The following PTPRT variants were observed in gnomAD, a reference collection of about 807,000 sequenced individuals.
The protein encoded by PTPRT is protein tyrosine phosphatase receptor type T.
A neutral mutation model predicts 176.8 loss-of-function variants in PTPRT; 56 were observed. The observed-to-expected ratio is 0.32, with a 90% confidence interval of 0.26 to 0.40. The LOEUF is 0.40. PTPRT is among the 10% of genes least tolerant of loss of function. PTPRT has a pLI of 1.00. For synonymous variants in PTPRT, 783 were observed against 739.0 expected, an observed-to-expected ratio of 1.06 and a Z score of -0.96; for missense variants, 1,540 against 1,908.2, an observed-to-expected ratio of 0.81 and a Z score of 3.60.
rs371928387 is a variant in PTPRT, at chr20:42,400,398, T to C, written c.1560+47822A>G. Among the ~76,000 whole-genome samples the C allele has an allele frequency of 4.6e-5, 7 of 152,190 alleles. No homozygotes were observed. In the South Asian group the frequency reaches 1.3e-3, roughly 27 times the overall value. On this transcript the variant is annotated intron_variant, in intron 9 of 30. Coordinates refer to ENST00000373187, the MANE Select transcript of PTPRT (RefSeq NM_007050.6). ...CTATGTCCTAGGGAGATGAGTCTGT[T>C]ATAATTTCTTCCCTTGAGGAGTTCA... is the stretch of plus-strand genomic sequence containing the variant.
intron 9 of PTPRT, among the ~76,000 whole-genome samples, chr20:42,428,806 ACCC>A (rs2059190078): frequency 6.6e-6 from 1 of 152,112 alleles, no homozygotes; most frequent in Non-Finnish European, 1.5e-5. Flanking sequence ...CTGACAGGGC[ACCC>A]CTCCTCAAGG....
At chr20:42,834,409 T>C (rs1285242786) in intron 2 of PTPRT, among the ~76,000 whole-genome samples, 1 of 152,144 alleles carries the variant, frequency 6.6e-6, no homozygotes, top group East Asian at 1.9e-4. Flanking sequence ...TCCTCACCTA[T>C]TGCTCATGAG....
intron 1 of PTPRT, among the ~76,000 whole-genome samples, chr20:43,074,213 T>C (rs568128983): frequency 1.3e-5 from 2 of 152,356 alleles, no homozygotes; most frequent in Non-Finnish European, 1.5e-5. Context: ...ATAATATAAT[T>C]GACTTAACCA....
chr20:42,559,128 T>C (rs1464461206), intron 7 of PTPRT, among the ~76,000 whole-genome samples: 1 of 152,226 alleles, frequency 6.6e-6, no homozygotes, highest in Non-Finnish European at 1.5e-5. Flanking sequence ...GCTGATGGAA[T>C]AGAACATTGT....
At chr20:42,310,745 A>T (rs1600816388) in intron 12 of PTPRT, among the ~76,000 whole-genome samples, 1 of 152,228 alleles carries the variant, frequency 6.6e-6, no homozygotes, top group Admixed American at 6.5e-5. Context: ...GGTCTAATTC[A>T]TAAGAGACAG....
intron 15 of PTPRT, among the ~76,000 whole-genome samples, chr20:42,218,617 C>A (rs2055821264): frequency 6.6e-6 from 1 of 152,142 alleles, no homozygotes; most frequent in African/African-American, 2.4e-5. Flanking sequence ...CCAGCTTCTC[C>A]CAAGCACAGA....
chr20:42,152,439 A>G (rs139514183), intron 17 of PTPRT, among the ~76,000 whole-genome samples: 1 of 152,374 alleles, frequency 6.6e-6, no homozygotes, highest in Non-Finnish European at 1.5e-5. Flanking sequence ...ATCAGATTGC[A>G]GCAAGATGGG....
At chr20:42,812,044 C>A (rs954095386) in intron 2 of PTPRT, among the ~76,000 whole-genome samples, 1 of 144,642 alleles carries the variant, frequency 6.9e-6, no homozygotes, top group African/African-American at 2.6e-5. Flanking sequence ...TTGAATCCTG[C>A]TGTAGAGAAG....
At position 42,883,947 on chromosome 20, in the gene PTPRT, ACCCATACACC is replaced by A. The variant is rs1333063932; in HGVS notation, c.214+1850_214+1859del. 2.0e-5 allele frequency among the ~76,000 whole-genome samples: 3 copies of A among 150,398 alleles called. No individual in the cohort carries two copies. The South Asian group carries it at 6.3e-4, about 32-fold the overall frequency. On this transcript the variant is annotated intron_variant, in intron 2 of 30. Transcript: ENST00000373187. ...GTACACAGGCATGCACACACACCAC[ACCCATACACC>A]CCCATACACACACACACACGCATAC...
intron 1 of PTPRT, among the ~76,000 whole-genome samples, chr20:43,173,832 A>C (rs2015062935): frequency 6.6e-6 from 1 of 152,230 alleles, no homozygotes; most frequent in Non-Finnish European, 1.5e-5. Context: ...CCTTCTGGGA[A>C]AGACAGTCTC....
intron 1 of PTPRT, among the ~76,000 whole-genome samples, chr20:43,062,105 G>T (rs1018849785): frequency 2.6e-5 from 4 of 152,206 alleles, no homozygotes; most frequent in African/African-American, 9.7e-5. Flanking sequence ...AGGAAGGACT[G>T]CAAAGAGGAA....
At chr20:42,984,764 G>T (rs1368207901) in intron 1 of PTPRT, among the ~76,000 whole-genome samples, 1 of 152,210 alleles carries the variant, frequency 6.6e-6, no homozygotes, top group African/African-American at 2.4e-5. Context: ...AAGAGCCTAG[G>T]CTTGTCTGAC....
intron 5 of PTPRT, among the ~76,000 whole-genome samples, chr20:42,757,252 C>T (rs905258245): frequency 1.3e-5 from 2 of 152,252 alleles, no homozygotes; most frequent in East Asian, 1.9e-4. Context: ...ACTTTCCTCC[C>T]TATTTTCCTT....
intron 16 of PTPRT, among the ~76,000 whole-genome samples, chr20:42,198,817 G>T (rs1256974167): frequency 6.6e-6 from 1 of 152,192 alleles, no homozygotes; most frequent in Non-Finnish European, 1.5e-5. Context: ...ACCACTCAGA[G>T]TGGAGACAGT....
chr20:42,071,382 CT>C (rs1159180622), downstream of PTPRT, among the ~76,000 whole-genome samples: 2 of 152,166 alleles, frequency 1.3e-5, no homozygotes, highest in African/African-American at 4.8e-5. Context: ...GTCCCAGTTC[CT>C]TTTGGGCTCA....
chr20:42,270,555 G>C, intron 13 of PTPRT: 3 of 1,014,938 alleles, frequency 3.0e-6, no homozygotes, highest in Non-Finnish European at 3.0e-6. Context: ...TGCAATTCTT[G>C]TGGCTCTGAA....
chr20:42,405,625 C>A (rs1196620659), intron 9 of PTPRT, among the ~76,000 whole-genome samples: 1 of 152,164 alleles, frequency 6.6e-6, no homozygotes, highest in African/African-American at 2.4e-5. Flanking sequence ...CAAGTCTTTG[C>A]CATTGTGAAT....
chr20:42,745,982 T>G lies in PTPRT; in HGVS notation c.859+10480A>C, dbSNP rs540103069. ...GGTAGCTAACTACAGACTTTGCAGC[T>G]TGTTCCATACCTCAGATCATTCTTC... On this transcript the variant is annotated intron_variant, in intron 6 of 30. Coordinates refer to ENST00000373187, the MANE Select transcript of PTPRT (RefSeq NM_007050.6). Among the ~76,000 whole-genome samples the G allele has an allele frequency of 3.3e-5, 5 of 152,328 alleles. No individual in the cohort carries two copies. The South Asian group carries it at 1.0e-3, about 32-fold the overall frequency.
At chr20:42,302,396 G>A (rs1433451562) in intron 12 of PTPRT, among the ~76,000 whole-genome samples, 1 of 151,978 alleles carries the variant, frequency 6.6e-6, no homozygotes, top group Non-Finnish European at 1.5e-5. Context: ...AATGTATCAG[G>A]GAATCCCCAA....
Sources: gnomAD v4.1 joint callset for allele counts (sites outside exome capture counted in the v4.1 genomes callset) on GRCh38, gnomAD v4.1.1 for gene constraint, MANE v1.5 for transcripts, NCBI Gene and HGNC (gene_info 2026-07-23, HGNC 2026-07-21) for gene names.